The following HSPG2 variants were observed in gnomAD, a reference collection of about 807,000 sequenced individuals.
HSPG2 encodes the protein basement membrane-specific heparan sulfate proteoglycan core protein.
In HSPG2, 278 loss-of-function variants were observed where a neutral mutation model predicts 526.6. The ratio of observed to expected loss-of-function variants is 0.53; its 90% CI spans 0.48 to 0.58. The LOEUF (loss-of-function observed/expected upper bound fraction) is 0.58, where lower values mean the gene tolerates loss of function less well. HSPG2 is among the 20% of genes least tolerant of loss of function. HSPG2 has a pLI of 0.00. For missense variants in HSPG2, 5,354 were observed against 6,099.5 expected (o/e 0.88, Z 4.07); for synonymous variants, 2,465 against 2,555.4 (o/e 0.96, Z 1.07).
At chr1:21,913,509 A>G (rs1415038196) in intron 1 of HSPG2, among the ~76,000 whole-genome samples, 1 of 152,176 alleles carries the variant, frequency 6.6e-6, no homozygotes, top group African/African-American at 2.4e-5. Context: ...CTGCCCTCAG[A>G]CAGCCCACGG....
intron 13 of HSPG2, among the ~76,000 whole-genome samples, chr1:21,883,745 G>A (rs761618018): frequency 6.6e-6 from 1 of 152,244 alleles, no homozygotes; most frequent in Non-Finnish European, 1.5e-5. Context: ...ACGAAGAAGT[G>A]AGACTCAGCA....
At chr1:21,842,724 T>G in intron 67 of HSPG2, 46 bp downstream of exon 67, 1 of 1,611,046 alleles carries the variant, frequency 6.2e-7, no homozygotes. Context: ...CAACTGCAGG[T>G]CTAACCTTGC....
rs760750964 is a variant in HSPG2 at position 21,822,495 on chromosome 1, C to A, written c.*821G>T. 8 of 342,400 alleles carry A rather than the reference C, an allele frequency of 2.3e-5. 1 individual carries two copies. Among genetic ancestry groups the A allele is most frequent in the South Asian group, 1.0e-4 (4 of 38,480 alleles). The allele number at this position is 342,400 out of a possible 1,614,324, so 21.2% of individuals were successfully genotyped here. A position where few individuals can be genotyped will look rare whatever the true frequency, so the allele number is the denominator to read the frequency against. ...TTCCTGAGCACCAGCGGCATCCGTC[C>A]GTCCGTTGTCTGTTGGAGGAGTCCC... On this transcript the variant is annotated 3_prime_UTR_variant, in exon 97 of 97. Transcript: ENST00000374695.
rs529236830 is a variant in HSPG2 at position 21,822,539 on chromosome 1, T to C, written c.*777A>G. ...GAGTCCCTGGGCCTTCACTTCCAGA[T>C]GGGTGGGGATGTGGCCTGGGGTGGG... On this transcript the variant is annotated 3_prime_UTR_variant, in exon 97 of 97. Coordinates refer to ENST00000374695, the MANE Select transcript of HSPG2 (RefSeq NM_005529.7). 6 of 214,978 alleles carry C rather than the reference T, an allele frequency of 2.8e-5. No individual in the cohort carries two copies. In the South Asian group the frequency reaches 3.1e-4, roughly 11 times the overall value. The allele number at this position is 214,978 out of a possible 1,614,324, so 13.3% of individuals were successfully genotyped here. A position where few individuals can be genotyped will look rare whatever the true frequency, so the allele number is the denominator to read the frequency against.
intron 66 of HSPG2, 145 bp downstream of exon 66, chr1:21,843,152 C>A: frequency 1.6e-6 from 2 of 1,253,798 alleles, no homozygotes; most frequent in South Asian, 1.3e-5. Context: ...GACTTGGGAA[C>A]ACCTGGGTTG....
At chr1:21,832,119 TGTTTATGGCTTGTTTATTCTTCCCCA>T (rs2098006856) in intron 81 of HSPG2, among the ~76,000 whole-genome samples, 1 of 152,216 alleles carries the variant, frequency 6.6e-6, no homozygotes, top group Admixed American at 6.5e-5. Flanking sequence ...CTTGTTTCTC[TGTTTATGGCTTGTTTATTCTTCCCCA>T]GTGAGAATAC....
At chr1:21,896,947 A>ATCTGG (rs1642795487) in intron 1 of HSPG2, among the ~76,000 whole-genome samples, 1 of 152,212 alleles carries the variant, frequency 6.6e-6, no homozygotes, top group African/African-American at 2.4e-5. Context: ...GCGGAGGCAG[A>ATCTGG]GCTCAGTATC....
chr1:21,873,881 AC>A (rs1640846791), intron 29 of HSPG2, 43 bp downstream of exon 29: 1 of 1,490,684 alleles, frequency 6.7e-7, no homozygotes. Flanking sequence ...TTCCAGGGAC[AC>A]CCCCTGTGCG....
At chr1:21,863,750 T>G (rs1640010476) in intron 37 of HSPG2, among the ~76,000 whole-genome samples, 2 of 151,130 alleles carry the variant, frequency 1.3e-5, no homozygotes, top group Admixed American at 1.3e-4. Context: ...CTCACGCCTG[T>G]AATCCCAGCA....
intron 1 of HSPG2, among the ~76,000 whole-genome samples, chr1:21,902,889 T>C (rs34985022): frequency 4.7e-4 from 72 of 152,308 alleles, no homozygotes; most frequent in Non-Finnish European, 8.2e-4. Context: ...GTCTCTACTG[T>C]ATGCACTGGG....
chr1:21,907,117 G>T (rs147516106), intron 1 of HSPG2, among the ~76,000 whole-genome samples: 1 of 152,168 alleles, frequency 6.6e-6, no homozygotes, highest in Non-Finnish European at 1.5e-5. Context: ...CTCTCAGGGG[G>T]TGACTCCTGT....
intron 3 of HSPG2, among the ~76,000 whole-genome samples, chr1:21,894,354 C>G (rs1231445834): frequency 1.3e-5 from 2 of 151,992 alleles, no homozygotes; most frequent in African/African-American, 4.8e-5. Context: ...GCAGTGGGGG[C>G]ACTGCCCTTG....
chr1:21,843,002 G>T, intron 66 of HSPG2, 81 bp from the exon 67 acceptor site: 1 of 1,520,058 alleles, frequency 6.6e-7, no homozygotes, highest in Non-Finnish European at 9.1e-7. Context: ...GTGAAGACCA[G>T]CTCCAGTTGA....
In HSPG2 at chr1:21,859,593, T is replaced by G. The variant is rs1431414740; in HGVS notation, c.5266A>C (p.Thr1756Pro). The change falls in exon 42 of 97, where the codon ACC becomes CCC. Residue 1756 changes from threonine to proline, a missense_variant. Transcript: ENST00000374695. The surrounding 1 kb of genome is among the most constrained non-coding windows in gnomAD (Gnocchi z 5.3). ...GTGACCAGCAGCTCTGCCCGGCTGG[T>G]ATTGGATTGGTGGAGATTACGGCAG... ...CTCRNLHQSN[T>P]SRAELLVTEA... 9 of 1,606,632 alleles carry G rather than the reference T, an allele frequency of 5.6e-6. No homozygotes were observed. Among genetic ancestry groups the G allele is most frequent in the Non-Finnish European group, 7.6e-6 (9 of 1,176,728 alleles).
At chr1:21,857,428 G>A (rs768195846) in intron 42 of HSPG2, 43 bp from the exon 43 acceptor site, 12 of 1,565,734 alleles carry the variant, frequency 7.7e-6, no homozygotes, top group African/African-American at 2.7e-5. Flanking sequence ...TGCTGGCTAG[G>A]CCCCGGTCCT....
rs1294006781 is a variant in HSPG2, at chr1:21,895,115, C to A, written c.244+807G>T. On this transcript the variant is annotated intron_variant, in intron 3 of 96. Coordinates refer to ENST00000374695, the MANE Select transcript of HSPG2 (RefSeq NM_005529.7). This position sits in a 1 kb window ranked among gnomAD's most constrained non-coding sequence, Gnocchi z 4.1. ...GGCCAAGGCCTGCCTAGGGTGAAGG[C>A]AGCCCTGGATGCCACGGGATGGCCC... is the stretch of plus-strand genomic sequence containing the variant. 1.6e-5 allele frequency among the ~76,000 whole-genome samples: 2 copies of A among 123,384 alleles called. No homozygotes were observed. The highest frequency in any genetic ancestry group is 3.9e-5 in the Non-Finnish European group (2 of 51,550). 80.9% of individuals were successfully genotyped at this position (123,384 alleles called of 152,430 possible). A position where few individuals can be genotyped will look rare whatever the true frequency, so the allele number is the denominator to read the frequency against.
chr1:21,925,459 C>T (rs936837619), intron 1 of HSPG2, among the ~76,000 whole-genome samples: 3 of 152,182 alleles, frequency 2.0e-5, no homozygotes, highest in African/African-American at 7.2e-5. Flanking sequence ...CTCAGCAAAA[C>T]TCACTGAACT....
chr1:21,850,511 GGGGTGAGTCA>G lies in HSPG2; in HGVS notation c.7159-23_7159-14del. The G allele has an allele frequency of 6.2e-7, 1 of 1,601,006 alleles. No individual in the cohort carries two copies. Among genetic ancestry groups the G allele is most frequent in the Non-Finnish European group, 8.5e-7 (1 of 1,172,384 alleles). On this transcript the variant is annotated splice_polypyrimidine_tract_variant and intron_variant, in intron 55 of 96. Coordinates refer to ENST00000374695, the MANE Select transcript of HSPG2 (RefSeq NM_005529.7). ...GGGAGCCGTGGGTCTGGCCAGAATG[GGGGTGAGTCA>G]GAGGGAGCCCTCAGGAGACCCCTGT...
chr1:21,889,826 C>T (rs962317524), intron 6 of HSPG2, 155 bp downstream of exon 6: 3 of 797,102 alleles, frequency 3.8e-6, no homozygotes, highest in African/African-American at 1.7e-5. Flanking sequence ...TCTACCAAGC[C>T]AAGATTGTGT....
Sources: allele counts gnomAD v4.1 joint callset (sites outside exome capture counted in the v4.1 genomes callset), GRCh38; gene constraint gnomAD v4.1.1; non-coding constraint Gnocchi (gnomAD v3.1); transcripts MANE v1.5; gene names NCBI Gene and HGNC (gene_info 2026-07-23, HGNC 2026-07-21).